Variants in SETD9 observed in about 807,000 individuals in gnomAD.
The protein encoded by SETD9 is SET domain-containing protein 9.
In SETD9, 37 loss-of-function variants were observed where a neutral mutation model predicts 36.4. The observed-to-expected ratio is 1.02, with a 90% confidence interval of 0.78 to 1.34. The LOEUF (loss-of-function observed/expected upper bound fraction) is 1.34, where lower values mean the gene tolerates loss of function less well. SETD9 is among the 40% of genes most tolerant of loss of function. SETD9 has a pLI of 0.00. For missense variants in SETD9, 323 were observed against 353.2 expected, an observed-to-expected ratio of 0.91 and a Z score of 0.69; for synonymous variants, 128 against 132.9, an observed-to-expected ratio of 0.96 and a Z score of 0.26.
At chr5:56,915,807 T>C (rs770464236) in intron 5 of SETD9, among the ~76,000 whole-genome samples, 3 of 151,748 alleles carry the variant, frequency 2.0e-5, no homozygotes, top group Non-Finnish European at 2.9e-5. Flanking sequence ...CTACAAAAAA[T>C]ACAAAAATTA....
downstream of SETD9, chr5:56,925,538 T>C: frequency 4.5e-6 from 1 of 224,040 alleles, no homozygotes; most frequent in East Asian, 1.3e-4. Context: ...TACTTGGGTA[T>C]AAATATAACA....
intron 5 of SETD9, among the ~76,000 whole-genome samples, chr5:56,924,251 A>C (rs1316180196): frequency 6.6e-6 from 1 of 150,626 alleles, no homozygotes; most frequent in Admixed American, 6.6e-5. Flanking sequence ...CGAAAGCCCA[A>C]GGTTTTTTTT....
chr5:56,915,351 A>C (rs988382471), intron 5 of SETD9, among the ~76,000 whole-genome samples: 3 of 152,186 alleles, frequency 2.0e-5, no homozygotes, highest in African/African-American at 7.2e-5. Flanking sequence ...GCCAAATTAC[A>C]CTATGATTCC....
intron 5 of SETD9, chr5:56,923,550 T>G: frequency 6.2e-7 from 1 of 1,614,062 alleles, no homozygotes; most frequent in Non-Finnish European, 8.5e-7. Context: ...TTCACATCTG[T>G]GGGGTCGCAG....
At chr5:56,927,397 G>A (rs918370642), downstream of SETD9, among the ~76,000 whole-genome samples, 1 of 152,070 alleles carries the variant, frequency 6.6e-6, no homozygotes. Context: ...ACCTGAAACT[G>A]CTCTAAAAAC....
At chr5:56,910,049 C>T (rs1749025196) in intron 1 of SETD9, 4 of 1,306,678 alleles carry the variant, frequency 3.1e-6, no homozygotes, top group Admixed American at 3.4e-5. Context: ...GTCCGCTGCG[C>T]TGCCGGGCCC....
downstream of SETD9, chr5:56,925,668 T>C: frequency 6.0e-6 from 1 of 167,772 alleles, no homozygotes; most frequent in Non-Finnish European, 1.3e-5. Context: ...TGTTAAGACG[T>C]CAGTTCTTCC....
intron 3 of SETD9, among the ~76,000 whole-genome samples, 159 bp from the exon 4 acceptor site, chr5:56,913,713 TAG>T (rs1749275865): frequency 6.6e-6 from 1 of 151,940 alleles, no homozygotes; most frequent in Non-Finnish European, 1.5e-5. Context: ...AAATTCTGTT[TAG>T]ATAGCTGCTG....
At chr5:56,927,744 AG>A (rs1319093343), downstream of SETD9, 1 of 152,180 alleles carries the variant, frequency 6.6e-6, no homozygotes, top group Non-Finnish European at 1.5e-5. Flanking sequence ...GGTTTACATT[AG>A]GGTTTACTCT....
chr5:56,915,043 GAATTTGGGGTAA>G, intron 5 of SETD9, 77 bp downstream of exon 5: 22 of 1,112,590 alleles, frequency 2.0e-5, no homozygotes, highest in Non-Finnish European at 2.7e-5. Context: ...AAGCTATGTA[GAATTTGGGGTAA>G]AATTTTTTTT....
chr5:56,923,056 G>T lies in SETD9; in HGVS notation c.813-2277G>T. 5.4e-6 allele frequency: 7 copies of T among 1,307,322 alleles called. No homozygotes were observed. The South Asian group carries it at 9.3e-5, about 17-fold the overall frequency. The allele number at this position is 1,307,322 out of a possible 1,614,324, so 81.0% of individuals were successfully genotyped here. ...AGAAAGGTTCAAACTTCCAGTGAAA[G>T]ACTATGCAAACCTGATAGCTCCCCT... is the stretch of plus-strand genomic sequence containing the variant. On this transcript the variant is annotated intron_variant, in intron 5 of 5. Coordinates refer to the SETD9 transcript ENST00000628593.
chr5:56,926,528 C>T (rs1749990186), downstream of SETD9, among the ~76,000 whole-genome samples: 1 of 151,558 alleles, frequency 6.6e-6, no homozygotes, highest in African/African-American at 2.4e-5. Context: ...CAAATTAAAA[C>T]AAAAAAGAGA....
At position 56,909,644 on chromosome 5, in the gene SETD9, C is replaced by T. The variant is rs1400800455; in HGVS notation, c.-2C>T. The T allele has an allele frequency of 1.2e-6, 2 of 1,604,958 alleles. No individual in the cohort carries two copies. The highest frequency in any genetic ancestry group is 1.1e-5 in the South Asian group (1 of 90,054). On this transcript the variant is annotated 5_prime_UTR_variant, in exon 1 of 6. Coordinates refer to ENST00000285947, the MANE Select transcript of SETD9 (RefSeq NM_153706.4). ...TCCTGGTCACGGCCCCGCGGGGCAG[C>T]CATGCCTGGCCGTCTGCTGCGGGGC...
chr5:56,916,473 T>C (rs1295925329), intron 5 of SETD9, among the ~76,000 whole-genome samples: 2 of 152,208 alleles, frequency 1.3e-5, no homozygotes, highest in Non-Finnish European at 2.9e-5. Context: ...ATGTTTTCAT[T>C]TTTCAGGATA....
chr5:56,919,157 A>C (rs1269711728), downstream of SETD9, among the ~76,000 whole-genome samples: 1 of 132,318 alleles, frequency 7.6e-6, no homozygotes, highest in Non-Finnish European at 1.5e-5. Flanking sequence ...ATGGAGTCTC[A>C]GTCTGTTGTC....
At chr5:56,919,482 C>T (rs76135634), downstream of SETD9, 2 of 152,210 alleles carry the variant, frequency 1.3e-5, no homozygotes, top group South Asian at 4.1e-4. Flanking sequence ...TATCATATAT[C>T]TTATTTACTG....
At chr5:56,924,986 A>G (rs1271469495) in intron 5 of SETD9, among the ~76,000 whole-genome samples, 1 of 152,164 alleles carries the variant, frequency 6.6e-6, no homozygotes, top group Non-Finnish European at 1.5e-5. Context: ...GGGGCTACAG[A>G]CCTTTTCTGT....
Position 56,917,136 on chromosome 5 carries a change from C to T in SETD9, c.*234C>T. 22 of 1,213,584 alleles carry T rather than the reference C, an allele frequency of 1.8e-5. No individual in the cohort carries two copies. The highest frequency in any genetic ancestry group is 2.3e-5 in the Non-Finnish European group (22 of 975,794). 75.2% of individuals were successfully genotyped at this position (1,213,584 alleles called of 1,614,324 possible). A position where few individuals can be genotyped will look rare whatever the true frequency, so the allele number is the denominator to read the frequency against. ...AATTCCAAGTTTAATTGGTTTTCAC[C>T]TAAATACACAATAGCTTATTAAATT... On this transcript the variant is annotated 3_prime_UTR_variant, in exon 6 of 6. Transcript: ENST00000285947.
At chr5:56,919,077 T>TA (rs1749542436), downstream of SETD9, among the ~76,000 whole-genome samples, 1 of 151,450 alleles carries the variant, frequency 6.6e-6, no homozygotes. Flanking sequence ...TGAAACATAA[T>TA]AAATGTTTCC....
Sources: gnomAD v4.1 joint callset for allele counts (sites outside exome capture counted in the v4.1 genomes callset) on GRCh38, gnomAD v4.1.1 for gene constraint, MANE v1.5 for transcripts, NCBI Gene and HGNC (gene_info 2026-07-23, HGNC 2026-07-21) for gene names.